The following GLP1R variants were observed in gnomAD, a reference collection of about 807,000 sequenced individuals.
GLP1R encodes glucagon-like peptide 1 receptor.
A neutral mutation model predicts 68.4 loss-of-function variants in GLP1R; 32 were observed. The ratio of observed to expected loss-of-function variants is 0.47; its 90% CI spans 0.35 to 0.63. The LOEUF (loss-of-function observed/expected upper bound fraction) is 0.63, where lower values mean the gene tolerates loss of function less well. GLP1R is among the 20% of genes least tolerant of loss of function. The pLI is 0.00. For synonymous variants in GLP1R, 263 were observed against 244.4 expected, an observed-to-expected ratio of 1.08 and a Z score of -0.71; for missense variants, 502 against 594.9, an observed-to-expected ratio of 0.84 and a Z score of 1.62.
chr6:39,073,241 C>G (rs1448912684), intron 6 of GLP1R, among the ~76,000 whole-genome samples: 1 of 152,168 alleles, frequency 6.6e-6, no homozygotes, highest in East Asian at 1.9e-4. Context: ...GAGACACTGC[C>G]CTAGGGAATT....
At chr6:39,054,895 T>C (rs1359276072) in intron 1 of GLP1R, among the ~76,000 whole-genome samples, 1 of 152,244 alleles carries the variant, frequency 6.6e-6, no homozygotes, top group Non-Finnish European at 1.5e-5. Context: ...TGATGAAAAC[T>C]GTGCCACCTC....
chr6:39,085,764 T>G (rs1192281282), intron 12 of GLP1R, 142 bp from the exon 13 acceptor site: 2 of 748,384 alleles, frequency 2.7e-6, no homozygotes, highest in African/African-American at 3.5e-5. Context: ...GGATATTAAT[T>G]TAGGAGCCCG....
At chr6:39,057,410 G>T in intron 2 of GLP1R, 62 bp from the exon 3 acceptor site, 2 of 1,052,420 alleles carry the variant, frequency 1.9e-6, no homozygotes, top group Non-Finnish European at 2.9e-6. Context: ...CTTGGGGAAG[G>T]GAGGGAAAGG....
chr6:39,077,150 G>A (rs1768853050), intron 7 of GLP1R, among the ~76,000 whole-genome samples: 1 of 152,186 alleles, frequency 6.6e-6, no homozygotes, highest in Admixed American at 6.5e-5. Context: ...GTACCTTGTG[G>A]CTCAGGATCT....
chr6:39,085,281 C>A (rs10305504), intron 12 of GLP1R, among the ~76,000 whole-genome samples: 1,632 of 152,354 alleles, frequency 0.011, 25 homozygotes, highest in African/African-American at 0.037. Context: ...GACTGAGCTC[C>A]CCTGGGCTGC....
chr6:39,048,867 C>G lies in GLP1R; in HGVS notation c.27C>G (p.Arg9=). ...TGGCCGGCGCCCCCGGCCCGCTGCGCCTTGCGCTGCTGCTGCTCGGGATGG... is the reference window on the plus strand; with the variant it reads ...TGGCCGGCGCCCCCGGCCCGCTGCGGCTTGCGCTGCTGCTGCTCGGGATGG... MAGAPGPL[R]LALLLLGMVG... is the part of the protein sequence containing the mutation. Residue 9 remains arginine, a synonymous_variant, in exon 1 of 13, where the codon CGC becomes CGG. Transcript: ENST00000373256. 2.7e-6 allele frequency: 4 copies of G among 1,500,170 alleles called. No homozygotes were observed. Among genetic ancestry groups the G allele is most frequent in the Non-Finnish European group, 3.5e-6 (4 of 1,131,234 alleles). 92.9% of individuals were successfully genotyped at this position (1,500,170 alleles called of 1,614,324 possible).
chr6:39,085,562 C>G (rs1396385210), intron 12 of GLP1R, among the ~76,000 whole-genome samples: 1 of 152,202 alleles, frequency 6.6e-6, no homozygotes, highest in Non-Finnish European at 1.5e-5. Flanking sequence ...TCTCTTCTCT[C>G]TCCCATCTCC....
chr6:39,064,000 C>CTT lies in GLP1R; in HGVS notation c.284-1693_284-1692dup, dbSNP rs34132463. On this transcript the variant is annotated intron_variant, in intron 3 of 12. Transcript: ENST00000373256. ...AAGCCTCTTCTCAGGAGACTCAGTT[C>CTT]TTTTTTTTTTTTTTTTTTTGAGGCA... 2.0e-3 allele frequency among the ~76,000 whole-genome samples: 227 copies of CTT among 112,050 alleles called. 5 individuals are homozygous for CTT. Among genetic ancestry groups the CTT allele is most frequent in the African/African-American group, 7.7e-3 (213 of 27,748 alleles). 73.5% of individuals were successfully genotyped at this position (112,050 alleles called of 152,430 possible). A position where few individuals can be genotyped will look rare whatever the true frequency, so the allele number is the denominator to read the frequency against.
intron 7 of GLP1R, among the ~76,000 whole-genome samples, chr6:39,075,760 A>G (rs1768801796): frequency 6.6e-6 from 1 of 152,226 alleles, no homozygotes; most frequent in Non-Finnish European, 1.5e-5. Context: ...AAGTGGAAGA[A>G]TTAAAATTAG....
chr6:39,065,617 A>C (rs758720841), intron 3 of GLP1R, 94 bp from the exon 4 acceptor site: 7 of 710,154 alleles, frequency 9.9e-6, no homozygotes, highest in Non-Finnish European at 1.7e-5. Flanking sequence ...GGGAGCAGGG[A>C]TAGCCCTCAG....
At chr6:39,084,571 C>G (rs2268634) in intron 12 of GLP1R, among the ~76,000 whole-genome samples, 12,393 of 152,218 alleles carry the variant, frequency 0.081, 890 homozygotes, top group East Asian at 0.38. Flanking sequence ...CTCAGGGCCC[C>G]CATCCCAGCT....
rs375435778 is a variant in GLP1R at position 39,057,588 on chromosome 6, C to G, written c.283+9C>G. 6.6e-7 allele frequency: 1 copy of G among 1,518,148 alleles called. No individual in the cohort carries two copies. The highest frequency in any genetic ancestry group is 9.0e-7 in the Non-Finnish European group (1 of 1,105,794). 94.0% of individuals were successfully genotyped at this position (1,518,148 alleles called of 1,614,324 possible). ...GCCCTGGGCCAGCAGTGGTGAGCCC[C>G]CTCCCCGACCTGGTACCTGCCCTGG... is the stretch of plus-strand genomic sequence containing the variant. On this transcript the variant is annotated intron_variant, in intron 3 of 12. Transcript: ENST00000373256.
intron 3 of GLP1R, among the ~76,000 whole-genome samples, chr6:39,058,300 C>T (rs1768268094): frequency 6.6e-6 from 1 of 152,112 alleles, no homozygotes; most frequent in Non-Finnish European, 1.5e-5. Context: ...TAGCTACTTC[C>T]TCACTCTTTA....
At chr6:39,073,370 G>C (rs952649839) in intron 6 of GLP1R, among the ~76,000 whole-genome samples, 1 of 152,166 alleles carries the variant, frequency 6.6e-6, no homozygotes, top group African/African-American at 2.4e-5. Flanking sequence ...CTGAGAAATA[G>C]GTGAGAAGTC....
intron 1 of GLP1R, among the ~76,000 whole-genome samples, chr6:39,054,951 G>T (rs1466326428): frequency 6.6e-6 from 1 of 152,234 alleles, no homozygotes; most frequent in Non-Finnish European, 1.5e-5. Context: ...CAGCTGTTAT[G>T]TTTGATTTCT....
chr6:39,076,285 C>T (rs890185607), intron 7 of GLP1R, among the ~76,000 whole-genome samples: 5 of 152,302 alleles, frequency 3.3e-5, no homozygotes, highest in Admixed American at 2.0e-4. Context: ...TCGTTCCATT[C>T]TCACTGGGCA....
chr6:39,077,952 T>A (rs181257410), intron 7 of GLP1R, among the ~76,000 whole-genome samples: 449 of 152,336 alleles, frequency 2.9e-3, no homozygotes, highest in Middle Eastern at 0.014. Flanking sequence ...AGGGTTCGCC[T>A]GCTCCTTGCC....
At chr6:39,062,682 G>A (rs972770835) in intron 3 of GLP1R, among the ~76,000 whole-genome samples, 3 of 152,226 alleles carry the variant, frequency 2.0e-5, no homozygotes, top group Non-Finnish European at 4.4e-5. Context: ...AATGGCACAT[G>A]CCACATTCTT....
intron 5 of GLP1R, among the ~76,000 whole-genome samples, chr6:39,070,065 G>C (rs142017916): frequency 2.6e-5 from 4 of 152,084 alleles, no homozygotes; most frequent in Non-Finnish European, 5.9e-5. Flanking sequence ...GGGCAAAAAG[G>C]GCTCACAAAC....
Sources: allele counts gnomAD v4.1 joint callset (sites outside exome capture counted in the v4.1 genomes callset), GRCh38; gene constraint gnomAD v4.1.1; transcripts MANE v1.5; gene names NCBI Gene and HGNC (gene_info 2026-07-23, HGNC 2026-07-21).